FRMPD4: variants seen among roughly 807,000 people sequenced by gnomAD.
The protein encoded by FRMPD4 is FERM and PDZ domain containing 4.
A neutral mutation model predicts 94.1 loss-of-function variants in FRMPD4; 22 were observed. That is an observed-to-expected ratio of 0.23 (90% CI 0.17 to 0.33). FRMPD4 has a LOEUF of 0.33. Among genes scored for constraint, FRMPD4 ranks in the 10% least tolerant of loss-of-function variants. FRMPD4 has a pLI of 1.00. For missense variants in FRMPD4, 1,111 were observed against 1,339.9 expected, an observed-to-expected ratio of 0.83 and a Z score of 2.67; for synonymous variants, 631 against 548.6, an observed-to-expected ratio of 1.15 and a Z score of -2.10.
chrX:12,532,086 G>A (rs1472112817), intron 2 of FRMPD4, among the ~76,000 whole-genome samples: 1 of 111,711 alleles, frequency 9.0e-6, no homozygotes, highest in Non-Finnish European at 1.9e-5. Flanking sequence ...ATGTATGTGA[G>A]AAAAACAAAC....
intron 1 of FRMPD4, among the ~76,000 whole-genome samples, chrX:12,152,885 T>G (rs147052654): frequency 0.02 from 2,152 of 110,200 alleles, 59 homozygotes; most frequent in African/African-American, 0.066. Context: ...AGAAAAATAT[T>G]TTTATGTTCA....
chrX:12,099,104 A>G (rs1237678551), intron 3 of FRMPD4, among the ~76,000 whole-genome samples: 2 of 101,910 alleles, frequency 2.0e-5, no homozygotes, highest in African/African-American at 7.1e-5. Context: ...TAGCACTGGG[A>G]GATATACCTA....
chrX:12,612,680 A>C (rs1255883835), intron 3 of FRMPD4, among the ~76,000 whole-genome samples: 2 of 112,636 alleles, frequency 1.8e-5, no homozygotes, highest in Non-Finnish European at 3.8e-5. Context: ...TTAATCTGAG[A>C]GTGGTTTTCT....
intron 1 of FRMPD4, among the ~76,000 whole-genome samples, chrX:12,169,025 C>T (rs145648427): frequency 1.9e-4 from 21 of 112,050 alleles, no homozygotes; most frequent in South Asian, 1.1e-3. Flanking sequence ...TTATAATTCA[C>T]GATGAGGCTT....
At chrX:12,292,114 T>G (rs1055927141) in intron 1 of FRMPD4, among the ~76,000 whole-genome samples, 1 of 111,487 alleles carries the variant, frequency 9.0e-6, no homozygotes, top group African/African-American at 3.3e-5. Context: ...TGGGGAACCA[T>G]GGGGAGTCTC....
At chrX:11,912,823 C>T (rs184980110) in intron 3 of FRMPD4, among the ~76,000 whole-genome samples, 17 of 111,049 alleles carry the variant, frequency 1.5e-4, no homozygotes, top group East Asian at 8.4e-4. Context: ...GAAGCTGCTT[C>T]TAGACAGTAG....
Position 12,414,719 on chromosome X carries a change from A to G in FRMPD4, c.42-83961A>G, listed in dbSNP as rs766670880. Among the ~76,000 whole-genome samples, 6 of 111,821 alleles carry G rather than the reference A, an allele frequency of 5.4e-5. No homozygotes were observed. In the South Asian group the frequency reaches 1.5e-3, roughly 28 times the overall value. ...AATAATGAAAGAGCAACTTCAGTAG[A>G]AGAGAGAGGACCTGACATTTATTGA... On this transcript the variant is annotated intron_variant, in intron 1 of 16. Transcript: ENST00000675598.
chrX:12,363,014 G>C (rs868351629), intron 1 of FRMPD4, among the ~76,000 whole-genome samples: 13 of 112,488 alleles, frequency 1.2e-4, no homozygotes, highest in Middle Eastern at 9.2e-3. Flanking sequence ...CTTTTGAGAA[G>C]TGTCTGTTCG....
intron 1 of FRMPD4, among the ~76,000 whole-genome samples, chrX:12,243,048 T>TA (rs1338645091): frequency 8.0e-5 from 9 of 112,027 alleles, no homozygotes; most frequent in Non-Finnish European, 1.5e-4. Flanking sequence ...CCCAGCTAAT[T>TA]AAAAAAAATC....
At chrX:11,958,461 A>G (rs1256760217) in intron 3 of FRMPD4, among the ~76,000 whole-genome samples, 1 of 112,262 alleles carries the variant, frequency 8.9e-6, no homozygotes, top group Non-Finnish European at 1.9e-5. Context: ...AAAAACAGAC[A>G]GGTCACTTCC....
Position 12,213,787 on chromosome X carries a change from A to G in FRMPD4, c.41+74775A>G, listed in dbSNP as rs531349611. ...TTGATCTGTGTAAATGAGAAAGGAT[A>G]AAAATGTATGGTTTAACCAAATTCT... On this transcript the variant is annotated intron_variant, in intron 1 of 16. Coordinates refer to ENST00000675598, the MANE Select transcript of FRMPD4 (RefSeq NM_001368397.1). 1.1e-3 allele frequency among the ~76,000 whole-genome samples: 126 copies of G among 112,364 alleles called. 2 individuals carry two copies. The South Asian group carries it at 0.045, about 40-fold the overall frequency.
chrX:12,100,158 T>C (rs6639143), intron 3 of FRMPD4, among the ~76,000 whole-genome samples: 9,297 of 111,987 alleles, frequency 0.083, 924 homozygotes, highest in East Asian at 0.6. Flanking sequence ...GTAGCTCAAC[T>C]ATTTGGTGGA....
intron 1 of FRMPD4, among the ~76,000 whole-genome samples, chrX:11,842,780 A>T (rs2053545879): frequency 1.0e-5 from 1 of 97,507 alleles, no homozygotes; most frequent in Non-Finnish European, 2.0e-5. Context: ...AACTTCCAAC[A>T]CTATGTTGAA....
chrX:12,548,786 T>C (rs187939705), intron 2 of FRMPD4, among the ~76,000 whole-genome samples: 200 of 111,816 alleles, frequency 1.8e-3, no homozygotes, highest in Middle Eastern at 9.4e-3. Context: ...AGGCAGCAGA[T>C]GTAGGTTTTA....
At position 12,435,560 on chromosome X, in the gene FRMPD4, A is replaced by AT. The variant is rs5901474; in HGVS notation, c.42-63111dup. Among the ~76,000 whole-genome samples the AT allele has an allele frequency of 8.0e-3, 873 of 108,690 alleles. 6 individuals carry two copies. Among genetic ancestry groups the AT allele is most frequent in the Middle Eastern group, 0.014 (3 of 208 alleles). The allele number at this position is 108,690 out of a possible 115,157, so 94.4% of individuals were successfully genotyped here. On this transcript the variant is annotated intron_variant, in intron 1 of 16. Transcript: ENST00000675598. The stretch of plus-strand genomic sequence containing the variant: ...TCCCTCTTTTCTAGCTTACTATAAC[A>AT]TTTTTTTTTATCATGAATAGAGGTT...
intron 2 of FRMPD4, among the ~76,000 whole-genome samples, chrX:12,552,705 T>A (rs987252493): frequency 8.9e-6 from 1 of 112,255 alleles, no homozygotes; most frequent in Non-Finnish European, 1.9e-5. Flanking sequence ...TGTAAAGTAT[T>A]TACCTGGTTC....
intron 7 of FRMPD4, among the ~76,000 whole-genome samples, 167 bp downstream of exon 7, chrX:12,686,371 G>A (rs1031469362): frequency 7.1e-5 from 8 of 112,001 alleles, no homozygotes; most frequent in Non-Finnish European, 1.3e-4. Flanking sequence ...CCAAACCAAA[G>A]CCAAAAGCTT....
intron 5 of FRMPD4, among the ~76,000 whole-genome samples, chrX:12,680,186 T>C (rs759646998): frequency 4.9e-4 from 55 of 112,161 alleles, no homozygotes; most frequent in Non-Finnish European, 8.8e-4. Context: ...GTGGCCATCT[T>C]AGCAACAGCA....
chrX:11,967,192 C>T (rs181887140), intron 3 of FRMPD4, among the ~76,000 whole-genome samples: 4 of 112,240 alleles, frequency 3.6e-5, no homozygotes, highest in African/African-American at 9.7e-5. Flanking sequence ...CTCAAGCAAT[C>T]CTTTCCCCTC....
Sources: gnomAD v4.1 joint callset for allele counts (sites outside exome capture counted in the v4.1 genomes callset) on GRCh38, gnomAD v4.1.1 for gene constraint, MANE v1.5 for transcripts, NCBI Gene and HGNC (gene_info 2026-07-23, HGNC 2026-07-21) for gene names.